The following SORCS3 variants were observed in gnomAD, a reference collection of about 807,000 sequenced individuals.
The protein encoded by SORCS3 is VPS10 domain-containing receptor SorCS3.
In SORCS3, 57 loss-of-function variants were observed where a neutral mutation model predicts 146.3. The observed-to-expected ratio is 0.39, with a 90% CI of 0.31 to 0.49. The LOEUF (loss-of-function observed/expected upper bound fraction) is 0.49. SORCS3 is among the 20% of genes least tolerant of loss of function. SORCS3 has a pLI of 0.92. For synonymous variants in SORCS3, 653 were observed against 618.5 expected, an observed-to-expected ratio of 1.06 and a Z score of -0.83; for missense variants, 1,341 against 1,575.5, an observed-to-expected ratio of 0.85 and a Z score of 2.52.
At chr10:104,838,066 A>G (rs2018090876) in intron 1 of SORCS3, among the ~76,000 whole-genome samples, 1 of 152,164 alleles carries the variant, frequency 6.6e-6, no homozygotes, top group African/African-American at 2.4e-5. Flanking sequence ...TTTTTTGTGA[A>G]GATTGAGAAT....
intron 1 of SORCS3, among the ~76,000 whole-genome samples, chr10:104,766,066 A>G (rs1024049606): frequency 5.3e-5 from 8 of 152,200 alleles, no homozygotes; most frequent in Admixed American, 3.9e-4. Flanking sequence ...TTCTTGAAAC[A>G]ATACTTCTTC....
At chr10:105,125,803 C>T (rs896243730) in intron 7 of SORCS3, among the ~76,000 whole-genome samples, 4 of 151,858 alleles carry the variant, frequency 2.6e-5, no homozygotes, top group Non-Finnish European at 4.4e-5. Context: ...GGACCTCAAG[C>T]GATGTGACGT....
At chr10:105,255,582 C>G (rs2056926632) in intron 23 of SORCS3, 120 bp from the exon 24 acceptor site, 2 of 666,832 alleles carry the variant, frequency 3.0e-6, no homozygotes, top group East Asian at 2.8e-5. Context: ...TTTTCACTAT[C>G]TTATCCCTAA....
chr10:104,784,455 C>A (rs148030018), intron 1 of SORCS3, among the ~76,000 whole-genome samples: 11 of 152,356 alleles, frequency 7.2e-5, no homozygotes, highest in African/African-American at 2.6e-4. Flanking sequence ...TCAAACATCC[C>A]TTGAGCCATT....
chr10:104,931,088 T>A (rs2019201707), intron 3 of SORCS3, among the ~76,000 whole-genome samples: 1 of 152,178 alleles, frequency 6.6e-6, no homozygotes. Context: ...CTGGTGAGCC[T>A]TTGGAGAAAT....
intron 14 of SORCS3, among the ~76,000 whole-genome samples, chr10:105,191,680 C>T (rs1032926769): frequency 6.6e-6 from 1 of 152,204 alleles, no homozygotes; most frequent in Non-Finnish European, 1.5e-5. Flanking sequence ...GTGTTGATTT[C>T]GGGAAGAAAC....
intron 3 of SORCS3, among the ~76,000 whole-genome samples, chr10:104,933,460 C>T (rs1299326911): frequency 1.3e-5 from 2 of 152,102 alleles, no homozygotes; most frequent in Non-Finnish European, 2.9e-5. Context: ...CAGCAGAGTA[C>T]CATGTGTGCA....
intron 20 of SORCS3, among the ~76,000 whole-genome samples, chr10:105,243,561 G>A (rs1048611190): frequency 7.2e-5 from 11 of 152,102 alleles, no homozygotes; most frequent in African/African-American, 2.7e-4. Flanking sequence ...CTCATTTATC[G>A]ATTAATTCAG....
chr10:104,962,716 G>A (rs917465236), intron 3 of SORCS3, among the ~76,000 whole-genome samples: 1 of 152,210 alleles, frequency 6.6e-6, no homozygotes, highest in African/African-American at 2.4e-5. Flanking sequence ...ATGTGTGTGT[G>A]TAGACAGATA....
chr10:105,109,538 A>T (rs1170981080), intron 7 of SORCS3, among the ~76,000 whole-genome samples: 2 of 152,070 alleles, frequency 1.3e-5, no homozygotes, highest in Non-Finnish European at 2.9e-5. Context: ...AAGAAAGGCT[A>T]ATTCTTGAAT....
intron 20 of SORCS3, among the ~76,000 whole-genome samples, chr10:105,244,078 CT>C (rs1244984036): frequency 6.6e-6 from 1 of 152,106 alleles, no homozygotes; most frequent in Non-Finnish European, 1.5e-5. Flanking sequence ...TCATCTGCCC[CT>C]GTGACATCTC....
chr10:105,194,595 C>T (rs1210832862), intron 14 of SORCS3, among the ~76,000 whole-genome samples: 3 of 152,172 alleles, frequency 2.0e-5, no homozygotes, highest in Non-Finnish European at 4.4e-5. Flanking sequence ...AATAAAATTT[C>T]ACGCTCTAGA....
chr10:104,931,004 G>C (rs1382664520), intron 3 of SORCS3, among the ~76,000 whole-genome samples: 1 of 152,048 alleles, frequency 6.6e-6, no homozygotes, highest in Non-Finnish European at 1.5e-5. Context: ...TGAAAACAGG[G>C]GATAATTCCA....
rs916192501 is a variant in SORCS3 at position 105,139,258 on chromosome 10, A to C, written c.1213-139A>C. ...GCAACTCAGAGTGCCATGGGATTAG[A>C]GACCCAAAGCCAGCAAGGAATATTC... is the stretch of plus-strand genomic sequence containing the variant. On this transcript the variant is annotated intron_variant, in intron 7 of 26. Coordinates refer to ENST00000369701, the MANE Select transcript of SORCS3 (RefSeq NM_014978.3). 4.0e-5 allele frequency: 27 copies of C among 677,992 alleles called. No homozygotes were observed. In the Middle Eastern group the frequency reaches 1.0e-3, roughly 25 times the overall value. 42.0% of individuals were successfully genotyped at this position (677,992 alleles called of 1,614,324 possible).
intron 16 of SORCS3, among the ~76,000 whole-genome samples, chr10:105,202,142 CCT>C (rs1203550630): frequency 6.6e-6 from 1 of 152,150 alleles, no homozygotes; most frequent in African/African-American, 2.4e-5. Context: ...AATTCATTCT[CCT>C]CACAGCAACC....
intron 1 of SORCS3, among the ~76,000 whole-genome samples, chr10:104,650,895 C>G (rs2015550810): frequency 6.6e-6 from 1 of 152,132 alleles, no homozygotes; most frequent in African/African-American, 2.4e-5. Flanking sequence ...GTTTCTCATT[C>G]AGATGGTTAG....
intron 14 of SORCS3, among the ~76,000 whole-genome samples, chr10:105,179,017 T>C (rs2119562578): frequency 6.6e-6 from 1 of 152,316 alleles, no homozygotes; most frequent in East Asian, 1.9e-4. Context: ...GATTTCTTTA[T>C]AGTTTGAATT....
intron 1 of SORCS3, among the ~76,000 whole-genome samples, chr10:104,735,033 A>G (rs1564671085): frequency 6.6e-6 from 1 of 152,158 alleles, no homozygotes; most frequent in Non-Finnish European, 1.5e-5. Context: ...CCTTTAATGT[A>G]TTTGGTTTAG....
In SORCS3 at chr10:105,247,304, C is replaced by A; in HGVS notation, c.3078C>A (p.Gly1026=). The A allele has an allele frequency of 6.2e-7, 1 of 1,609,526 alleles. No individual in the cohort carries two copies. Among genetic ancestry groups the A allele is most frequent in the Non-Finnish European group, 8.5e-7 (1 of 1,176,122 alleles). ...PDIPEWRKDI[G]NVIKRALVKV... ...TTCCTGAGTGGAGAAAAGATATTGGCAATGTCATCAAGCGAGCTCTGGTTA... is the reference window on the plus strand; with the variant it reads ...TTCCTGAGTGGAGAAAAGATATTGGAAATGTCATCAAGCGAGCTCTGGTTA... The change falls in exon 22 of 27, where the codon GGC becomes GGA. Residue 1026 remains glycine, a synonymous_variant. Transcript: ENST00000369701.
Sources: allele counts gnomAD v4.1 joint callset (sites outside exome capture counted in the v4.1 genomes callset), GRCh38; gene constraint gnomAD v4.1.1; transcripts MANE v1.5; gene names NCBI Gene and HGNC (gene_info 2026-07-23, HGNC 2026-07-21).